The following FBXL17 variants were observed in gnomAD, a reference collection of about 807,000 sequenced individuals.
FBXL17 encodes F-box and leucine rich repeat protein 17, also known as F-box/LRR-repeat protein 17.
In FBXL17, 22 loss-of-function variants were observed where a neutral mutation model predicts 66.2. That is an observed-to-expected ratio of 0.33 (90% CI 0.24 to 0.47). The LOEUF (loss-of-function observed/expected upper bound fraction) is 0.47, where lower values mean the gene tolerates loss of function less well. Ranked by LOEUF, FBXL17 falls within the 20% of genes least tolerant of loss-of-function variation. The pLI is 1.00. For missense variants in FBXL17, 878 were observed against 948.2 expected, an observed-to-expected ratio of 0.93 and a Z score of 0.97; for synonymous variants, 474 against 400.5, an observed-to-expected ratio of 1.18 and a Z score of -2.19.
chr5:108,024,415 C>A (rs1441907310), intron 6 of FBXL17, among the ~76,000 whole-genome samples: 1 of 152,164 alleles, frequency 6.6e-6, no homozygotes, highest in South Asian at 2.1e-4. Flanking sequence ...CAGGGAATCA[C>A]AGAACAATCA....
intron 6 of FBXL17, among the ~76,000 whole-genome samples, chr5:108,119,870 T>G (rs1479607837): frequency 2.6e-5 from 4 of 152,306 alleles, no homozygotes; most frequent in Admixed American, 2.0e-4. Context: ...GTTACAGAAC[T>G]TCAGGAAATA....
At chr5:108,282,479 A>G (rs574935648) in intron 4 of FBXL17, among the ~76,000 whole-genome samples, 2 of 152,074 alleles carry the variant, frequency 1.3e-5, no homozygotes, top group East Asian at 3.9e-4. Flanking sequence ...CTTCATGATA[A>G]AAACCCTAAC....
At position 108,010,548 on chromosome 5, in the gene FBXL17, AG is replaced by A. The variant is rs139438929; in HGVS notation, c.1822+10376del. 7.8e-3 allele frequency among the ~76,000 whole-genome samples: 1,192 copies of A among 152,340 alleles called. 12 individuals carry two copies. Among genetic ancestry groups the A allele is most frequent in the African/African-American group, 0.026 (1,084 of 41,578 alleles). On this transcript the variant is annotated intron_variant, in intron 7 of 8. Coordinates refer to ENST00000542267, the MANE Select transcript of FBXL17 (RefSeq NM_001163315.3). ...GTTTTAAGCTGGAGGAATAAAAGAC[AG>A]AAAAACACAGTGATGTAAGATTCGG...
At chr5:107,913,381 T>A (rs1750014995) in intron 7 of FBXL17, among the ~76,000 whole-genome samples, 1 of 152,012 alleles carries the variant, frequency 6.6e-6, no homozygotes, top group Non-Finnish European at 1.5e-5. Context: ...ATGAGAGAAG[T>A]ATATGTGCAG....
chr5:108,380,619 G>C (rs963355208), intron 1 of FBXL17, 80 bp downstream of exon 1: 1 of 921,602 alleles, frequency 1.1e-6, no homozygotes, highest in African/African-American at 1.7e-5. Context: ...CGCGCTTAGG[G>C]GGAGGAGAGA....
At chr5:107,943,715 T>C (rs1480475853) in intron 7 of FBXL17, among the ~76,000 whole-genome samples, 1 of 152,194 alleles carries the variant, frequency 6.6e-6, no homozygotes, top group Admixed American at 6.6e-5. Context: ...CACTCCTTTA[T>C]GTATTATCAA....
At chr5:108,169,400 T>C (rs542697533) in intron 6 of FBXL17, among the ~76,000 whole-genome samples, 7 of 152,302 alleles carry the variant, frequency 4.6e-5, no homozygotes, top group Admixed American at 6.5e-5. Flanking sequence ...TAGAAAGAAA[T>C]GTTATAGAAA....
At chr5:107,937,901 G>T (rs1309538397) in intron 7 of FBXL17, among the ~76,000 whole-genome samples, 1 of 152,084 alleles carries the variant, frequency 6.6e-6, no homozygotes. Context: ...CGGCAGACAG[G>T]GTGTGCACTC....
At chr5:108,377,907 T>C (rs1458880990) in intron 1 of FBXL17, among the ~76,000 whole-genome samples, 1 of 152,242 alleles carries the variant, frequency 6.6e-6, no homozygotes, top group African/African-American at 2.4e-5. Flanking sequence ...CCAAGTAGCA[T>C]CTTGTTTGAA....
chr5:108,093,499 A>C (rs1386220738), intron 6 of FBXL17, among the ~76,000 whole-genome samples: 1 of 152,204 alleles, frequency 6.6e-6, no homozygotes, highest in Non-Finnish European at 1.5e-5. Context: ...TTGAATTTCT[A>C]ATAAGAAACT....
chr5:108,377,376 A>G (rs1749515735), intron 1 of FBXL17, among the ~76,000 whole-genome samples: 1 of 152,244 alleles, frequency 6.6e-6, no homozygotes, highest in Non-Finnish European at 1.5e-5. Context: ...AAACTAGCAA[A>G]TACATGGTTT....
At chr5:107,902,713 C>T (rs1302840548) in intron 7 of FBXL17, among the ~76,000 whole-genome samples, 2 of 152,082 alleles carry the variant, frequency 1.3e-5, no homozygotes, top group African/African-American at 4.8e-5. Context: ...TTCTTCCCAT[C>T]TGCCTTTATT....
At chr5:108,362,268 C>T (rs896919587) in intron 3 of FBXL17, among the ~76,000 whole-genome samples, 4 of 152,134 alleles carry the variant, frequency 2.6e-5, no homozygotes, top group Admixed American at 6.5e-5. Context: ...CCTACAGTGA[C>T]TTATTTACAG....
At chr5:108,027,013 T>A (rs981052276) in intron 6 of FBXL17, among the ~76,000 whole-genome samples, 5 of 152,146 alleles carry the variant, frequency 3.3e-5, no homozygotes, top group African/African-American at 1.2e-4. Flanking sequence ...TCCTTGAGTG[T>A]CTAACATTAA....
chr5:108,208,283 T>C (rs912386852), intron 5 of FBXL17, among the ~76,000 whole-genome samples: 2 of 152,222 alleles, frequency 1.3e-5, no homozygotes, highest in African/African-American at 4.8e-5. Flanking sequence ...CTGATGATAA[T>C]TTCTTTCACT....
At chr5:108,009,263 AT>A (rs1561365179) in intron 7 of FBXL17, among the ~76,000 whole-genome samples, 1,992 of 36,154 alleles carry the variant, frequency 0.055, 675 homozygotes, top group East Asian at 0.12. Flanking sequence ...TCCCTGTTTT[AT>A]ATATATATAT....
chr5:108,254,003 A>T (rs1756471428), intron 4 of FBXL17, among the ~76,000 whole-genome samples: 1 of 152,130 alleles, frequency 6.6e-6, no homozygotes, highest in African/African-American at 2.4e-5. Context: ...AACTGTAAAG[A>T]GGTATCCACA....
chr5:108,291,420 G>A (rs1758109655), intron 4 of FBXL17, among the ~76,000 whole-genome samples: 1 of 152,202 alleles, frequency 6.6e-6, no homozygotes, highest in Non-Finnish European at 1.5e-5. Flanking sequence ...ACAGCTGGTA[G>A]CAGAGAATTG....
intron 4 of FBXL17, among the ~76,000 whole-genome samples, chr5:108,251,191 T>A (rs1222328189): frequency 6.6e-6 from 1 of 152,066 alleles, no homozygotes; most frequent in Non-Finnish European, 1.5e-5. Context: ...ACTGCACTGA[T>A]TGATACCAGC....
Sources: gnomAD v4.1 joint callset for allele counts (sites outside exome capture counted in the v4.1 genomes callset) on GRCh38, gnomAD v4.1.1 for gene constraint, MANE v1.5 for transcripts, NCBI Gene and HGNC (gene_info 2026-07-23, HGNC 2026-07-21) for gene names.